GPHN: variants seen among roughly 807,000 people sequenced by gnomAD.
The protein encoded by GPHN is gephyrin.
A neutral mutation model predicts 95.5 loss-of-function variants in GPHN; 17 were observed. That is an observed-to-expected ratio of 0.18 (90% CI 0.12 to 0.27). The LOEUF (loss-of-function observed/expected upper bound fraction) is 0.27, where lower values mean the gene tolerates loss of function less well. Ranked by LOEUF, GPHN falls within the 10% of genes least tolerant of loss-of-function variation. The probability of loss-of-function intolerance (pLI) is 1.00; values close to 1 mark genes in which losing one functional copy is unlikely to be tolerated. For synonymous variants in GPHN, 320 were observed against 322.5 expected (o/e 0.99, Z 0.08); for missense variants, 660 against 978.1 (o/e 0.67, Z 4.34).
At chr14:67,323,263 A>ATG in the GPHN span, among the ~76,000 whole-genome samples, 1 of 128,960 alleles carries the variant, frequency 7.8e-6, no homozygotes, top group African/African-American at 3.3e-5. Context: ...GTGTGTGTGT[A>ATG]TATATATATA....
At chr14:66,668,286 A>G (rs1015127428) in intron 1 of GPHN, among the ~76,000 whole-genome samples, 1 of 152,246 alleles carries the variant, frequency 6.6e-6, no homozygotes, top group African/African-American at 2.4e-5. Flanking sequence ...TACTGGGTAT[A>G]TACCCAAAGG....
rs1567106825 is a variant in GPHN, at chr14:66,922,855, G to A, written c.646G>A (p.Glu216Lys). Residue 216 changes from glutamate (E) to lysine (K), a missense_variant, in exon 7 of 23, where the codon GAA (glutamate) becomes AAA (lysine). Around this residue, in one of 6 missense-constraint regions of GPHN, gnomAD observed 190 missense variants for 224.7 expected, o/e 0.85. Coordinates refer to ENST00000478722, the MANE Select transcript of GPHN (RefSeq NM_020806.5). Reference protein sequence around the residue: ...EDKGVQCEEEEEEKKDSGVAS... With the variant: ...EDKGVQCEEEKEEKKDSGVAS... ...CAAAGGAGTTCAATGTGAGGAAGAG[G>A]AAGAAGAGAAGAAAGACAGTGGTGT... 2.5e-6 allele frequency: 4 copies of A among 1,613,424 alleles called. No homozygotes were observed. Among genetic ancestry groups the A allele is most frequent in the Non-Finnish European group, 3.4e-6 (4 of 1,179,490 alleles).
chr14:66,556,296 T>C lies in GPHN; in HGVS notation c.64+47705T>C, dbSNP rs145674749. On this transcript the variant is annotated intron_variant, in intron 1 of 22. Coordinates refer to ENST00000478722, the MANE Select transcript of GPHN (RefSeq NM_020806.5). ...TTACACAATTTTTTGCCATATAGCA[T>C]AGTATTATTCATGTAGTTGATGGTC... Among the ~76,000 whole-genome samples, 515 of 152,324 alleles carry C rather than the reference T, an allele frequency of 3.4e-3. 2 individuals carry two copies. The highest frequency in any genetic ancestry group is 0.012 in the African/African-American group (493 of 41,576).
chr14:67,634,693 G>A, the GPHN span, among the ~76,000 whole-genome samples: 1 of 151,968 alleles, frequency 6.6e-6, no homozygotes, highest in Non-Finnish European at 1.5e-5. Context: ...GATAATGACT[G>A]CTTTCTTCAA....
At chr14:67,230,637 C>T in the GPHN span, among the ~76,000 whole-genome samples, 1 of 152,004 alleles carries the variant, frequency 6.6e-6, no homozygotes, top group Non-Finnish European at 1.5e-5. Flanking sequence ...GACATATATT[C>T]AAAATAAGAC....
chr14:67,630,745 A>AT, the GPHN span, among the ~76,000 whole-genome samples: 2 of 151,892 alleles, frequency 1.3e-5, no homozygotes, highest in African/African-American at 4.8e-5. Flanking sequence ...TGCCCAGCTA[A>AT]TTTTTTGTAT....
At chr14:66,829,582 A>G (rs565490805) in intron 4 of GPHN, among the ~76,000 whole-genome samples, 1 of 152,240 alleles carries the variant, frequency 6.6e-6, no homozygotes, top group Non-Finnish European at 1.5e-5. Context: ...GTTTGATAAT[A>G]TAGTAAATTA....
chr14:67,104,556 T>C (rs1405401597), intron 13 of GPHN, among the ~76,000 whole-genome samples: 1 of 150,966 alleles, frequency 6.6e-6, no homozygotes, highest in African/African-American at 2.4e-5. Flanking sequence ...TCTGTTCAGG[T>C]TTTCTATTCT....
At chr14:66,550,726 TCAG>T (rs905715580) in intron 1 of GPHN, among the ~76,000 whole-genome samples, 15 of 152,260 alleles carry the variant, frequency 9.9e-5, no homozygotes, top group Middle Eastern at 3.4e-3. Flanking sequence ...ACCCCAACCT[TCAG>T]CAGCCACCAC....
At chr14:67,557,243 C>T in the GPHN span, 2 of 1,604,848 alleles carry the variant, frequency 1.2e-6, no homozygotes, top group Non-Finnish European at 1.7e-6. Context: ...GATGGGAAGA[C>T]ACTATGAGAT....
At chr14:66,545,173 C>A (rs2059500657) in intron 1 of GPHN, among the ~76,000 whole-genome samples, 1 of 151,634 alleles carries the variant, frequency 6.6e-6, no homozygotes, top group Non-Finnish European at 1.5e-5. Flanking sequence ...AGGCGCCCCC[C>A]ACCTCCCGGA....
intron 1 of GPHN, among the ~76,000 whole-genome samples, chr14:66,585,358 T>C (rs2061376618): frequency 6.6e-6 from 1 of 152,206 alleles, no homozygotes; most frequent in Admixed American, 6.5e-5. Flanking sequence ...TTCATTGATT[T>C]TTTGAAGCGT....
chr14:66,865,687 C>T (rs2063197261), intron 4 of GPHN, among the ~76,000 whole-genome samples: 1 of 152,102 alleles, frequency 6.6e-6, no homozygotes, highest in South Asian at 2.1e-4. Context: ...TTTGAATACC[C>T]TCTTCTCTTG....
At chr14:67,578,921 C>T in the GPHN span, among the ~76,000 whole-genome samples, 8 of 152,176 alleles carry the variant, frequency 5.3e-5, no homozygotes, top group Non-Finnish European at 1.5e-5. This position sits in a 1 kb window ranked among gnomAD's most constrained non-coding sequence, Gnocchi z 5.0. Flanking sequence ...TTGTTATGTC[C>T]TCTGGGTTCT....
rs569505802 is a variant in GPHN, at chr14:66,722,689, C to G, written c.143+41504C>G. Among the ~76,000 whole-genome samples the G allele has an allele frequency of 1.6e-4, 24 of 152,234 alleles. No individual in the cohort carries two copies. In the South Asian group the frequency reaches 4.6e-3, roughly 29 times the overall value. ...AACTCCTGGCTTCAAGTGATCCCCC[C>G]ACCTCTAATGCTCAAATTGCTGGGA... On this transcript the variant is annotated intron_variant, in intron 2 of 22. Transcript: ENST00000478722.
intron 10 of GPHN, among the ~76,000 whole-genome samples, chr14:67,053,400 C>T (rs2075404361): frequency 6.6e-6 from 1 of 151,968 alleles, no homozygotes. Flanking sequence ...CACACCCTCG[C>T]AAGACAGAAC....
intron 1 of GPHN, among the ~76,000 whole-genome samples, chr14:66,513,595 T>C (rs1421656706): frequency 1.3e-5 from 2 of 151,784 alleles, no homozygotes; most frequent in Non-Finnish European, 3.0e-5. Context: ...AAGAAAGTAG[T>C]GAAACCACAA....
intron 10 of GPHN, among the ~76,000 whole-genome samples, chr14:67,044,911 G>A (rs1219761921): frequency 6.6e-6 from 1 of 151,372 alleles, no homozygotes; most frequent in Non-Finnish European, 1.5e-5. Context: ...TTTAAAATAA[G>A]CTCAGGTAGA....
At chr14:67,164,847 A>G (rs2082182661) in intron 19 of GPHN, among the ~76,000 whole-genome samples, 1 of 151,954 alleles carries the variant, frequency 6.6e-6, no homozygotes, top group Non-Finnish European at 1.5e-5. Flanking sequence ...TAGTATAAAC[A>G]TTATTAACTA....
Sources: gnomAD v4.1 joint callset for allele counts (sites outside exome capture counted in the v4.1 genomes callset) on GRCh38, gnomAD v4.1.1 for gene constraint, gnomAD v4.1.1 regional missense constraint, Gnocchi (gnomAD v3.1) non-coding constraint, MANE v1.5 for transcripts, NCBI Gene and HGNC (gene_info 2026-07-23, HGNC 2026-07-21) for gene names.